HCN1: variants seen among roughly 807,000 people sequenced by gnomAD.
HCN1 encodes the protein potassium/sodium hyperpolarization-activated cyclic nucleotide-gated channel 1.
Under a neutral mutation model 78.9 loss-of-function variants are expected in HCN1, and 13 were observed. The observed-to-expected ratio is 0.16, with a 90% CI of 0.11 to 0.26. The LOEUF (loss-of-function observed/expected upper bound fraction) is 0.26, where lower values mean the gene tolerates loss of function less well. Among genes scored for constraint, HCN1 ranks in the 10% least tolerant of loss-of-function variants. The pLI, the probability that HCN1 is intolerant of heterozygous loss-of-function variation, is 1.00. For missense variants in HCN1, 810 were observed against 1,154.3 expected (o/e 0.70, Z 4.32); for synonymous variants, 552 against 455.5 (o/e 1.21, Z -2.70).
intron 2 of HCN1, among the ~76,000 whole-genome samples, chr5:45,516,918 G>A (rs570158561): frequency 6.6e-6 from 1 of 151,790 alleles, no homozygotes; most frequent in East Asian, 1.9e-4. Context: ...TTATCTCATT[G>A]AAGTAAAAAA....
chr5:45,279,033 A>AT (rs1175002385), intron 6 of HCN1, among the ~76,000 whole-genome samples: 4 of 152,088 alleles, frequency 2.6e-5, no homozygotes, highest in Non-Finnish European at 4.4e-5. Context: ...GGTTACATAC[A>AT]TTTTTTTCCT....
intron 3 of HCN1, among the ~76,000 whole-genome samples, chr5:45,443,549 T>C (rs1195243441): frequency 6.6e-6 from 1 of 152,066 alleles, no homozygotes; most frequent in East Asian, 1.9e-4. Flanking sequence ...TCATCCATTA[T>C]CTCTATATAG....
At chr5:45,560,999 T>G (rs1248002885) in intron 2 of HCN1, among the ~76,000 whole-genome samples, 3 of 152,112 alleles carry the variant, frequency 2.0e-5, no homozygotes, top group Non-Finnish European at 2.9e-5. Context: ...GATGTGCAAT[T>G]CAAACATTTT....
chr5:45,610,034 C>T (rs1744803335), intron 2 of HCN1, among the ~76,000 whole-genome samples: 1 of 152,068 alleles, frequency 6.6e-6, no homozygotes, highest in African/African-American at 2.4e-5. Flanking sequence ...ATGATTGCAT[C>T]CCGCAGAAGA....
chr5:45,570,776 C>A (rs1368185722), intron 2 of HCN1, among the ~76,000 whole-genome samples: 2 of 152,048 alleles, frequency 1.3e-5, no homozygotes, highest in Non-Finnish European at 2.9e-5. Context: ...AAATAGAGTA[C>A]TAATTCCTTA....
chr5:45,259,729 C>T lies in HCN1; in HGVS notation c.*2192G>A, dbSNP rs543222928. 1 of 151,970 alleles carries T rather than the reference C, an allele frequency of 6.6e-6. No individual in the cohort carries two copies. The highest frequency in any genetic ancestry group is 2.1e-4 in the South Asian group (1 of 4,802). The allele number at this position is 151,970 out of a possible 1,614,324, so 9.4% of individuals were successfully genotyped here. ...CCCAATAGTGCTCAAAATAAAAAAC[C>T]AAAAATTTATATATATAAAAATATT... On this transcript the variant is annotated 3_prime_UTR_variant, in exon 8 of 8. Transcript: ENST00000303230.
chr5:45,468,291 C>T (rs975585449), intron 2 of HCN1, among the ~76,000 whole-genome samples: 5 of 151,952 alleles, frequency 3.3e-5, no homozygotes, highest in East Asian at 3.9e-4. Flanking sequence ...TTCATAACAA[C>T]GATATGCTCA....
intron 6 of HCN1, among the ~76,000 whole-genome samples, chr5:45,276,231 A>C (rs1388353614): frequency 6.6e-6 from 1 of 151,978 alleles, no homozygotes. Context: ...CACACACCAC[A>C]TGCACACATG....
At chr5:45,474,809 C>A (rs7706410) in intron 2 of HCN1, among the ~76,000 whole-genome samples, 42 of 152,050 alleles carry the variant, frequency 2.8e-4, no homozygotes, top group Admixed American at 2.2e-3. Context: ...AAGGATCATA[C>A]CTTAATGTCT....
intron 2 of HCN1, among the ~76,000 whole-genome samples, chr5:45,477,188 T>C (rs1378640155): frequency 6.6e-6 from 1 of 152,064 alleles, no homozygotes; most frequent in Non-Finnish European, 1.5e-5. Context: ...CCATGTTTCA[T>C]CACTTTATCA....
chr5:45,404,498 A>ATT (rs34176530), intron 3 of HCN1, among the ~76,000 whole-genome samples: 1 of 146,326 alleles, frequency 6.8e-6, no homozygotes. Flanking sequence ...ACTGAAAATA[A>ATT]TTTTTTTTTT....
Position 45,342,043 on chromosome 5 carries a change from G to A in HCN1, c.1377+11057C>T, listed in dbSNP as rs144621249. On this transcript the variant is annotated intron_variant, in intron 5 of 7. Coordinates refer to ENST00000303230, the MANE Select transcript of HCN1 (RefSeq NM_021072.4). ...CAGTGAATAATGTGAACCAGATTGC[G>A]TTGACATGGTTAAATTCCCAGGACC... 2.9e-4 allele frequency among the ~76,000 whole-genome samples: 44 copies of A among 152,162 alleles called. No individual in the cohort carries two copies. In the East Asian group the frequency reaches 4.3e-3, roughly 15 times the overall value.
At chr5:45,560,872 C>A (rs2589176) in intron 2 of HCN1, among the ~76,000 whole-genome samples, 6,973 of 152,058 alleles carry the variant, frequency 0.046, 556 homozygotes, top group African/African-American at 0.16. Flanking sequence ...ACTGCTTAAA[C>A]CTTCCATTGG....
At chr5:45,337,513 T>C (rs1561112395) in intron 5 of HCN1, among the ~76,000 whole-genome samples, 1 of 152,162 alleles carries the variant, frequency 6.6e-6, no homozygotes, top group Non-Finnish European at 1.5e-5. Flanking sequence ...TCAGTCACTC[T>C]GAGATGATTT....
chr5:45,576,494 T>C (rs960133746), intron 2 of HCN1: 1 of 152,072 alleles, frequency 6.6e-6, no homozygotes, highest in Admixed American at 6.6e-5. Context: ...GTTGTCCTAT[T>C]CTAACAAATT....
intron 6 of HCN1, among the ~76,000 whole-genome samples, chr5:45,281,616 T>C (rs1278635393): frequency 8.2e-6 from 1 of 121,218 alleles, no homozygotes; most frequent in Non-Finnish European, 1.6e-5. Flanking sequence ...TGAGACGGAG[T>C]CTCACTCTGT....
At chr5:45,671,916 T>C (rs908257564) in intron 1 of HCN1, among the ~76,000 whole-genome samples, 1 of 151,594 alleles carries the variant, frequency 6.6e-6, no homozygotes, top group Non-Finnish European at 1.5e-5. Context: ...TCTTCTCAAT[T>C]GGTTTAAAGT....
chr5:45,276,886 A>G (rs1745070929), intron 6 of HCN1, among the ~76,000 whole-genome samples: 1 of 152,092 alleles, frequency 6.6e-6, no homozygotes, highest in Non-Finnish European at 1.5e-5. Flanking sequence ...ACAAGAGAAA[A>G]GGAACAGGAG....
intron 5 of HCN1, among the ~76,000 whole-genome samples, chr5:45,325,329 G>A (rs1352077378): frequency 6.6e-6 from 1 of 151,656 alleles, no homozygotes; most frequent in African/African-American, 2.4e-5. Flanking sequence ...TAAGCAGTCA[G>A]GTGTGGAAAC....
Sources: gnomAD v4.1 joint callset for allele counts (sites outside exome capture counted in the v4.1 genomes callset) on GRCh38, gnomAD v4.1.1 for gene constraint, MANE v1.5 for transcripts, NCBI Gene and HGNC (gene_info 2026-07-23, HGNC 2026-07-21) for gene names.